Variants in CNTNAP2 observed in about 807,000 individuals in gnomAD.
The protein encoded by CNTNAP2 is contactin associated protein 2.
In CNTNAP2, 98 loss-of-function variants were observed where a neutral mutation model predicts 155.2. The observed-to-expected ratio is 0.63, with a 90% CI of 0.54 to 0.75. The LOEUF (loss-of-function observed/expected upper bound fraction) is 0.75. CNTNAP2 is among the 30% of genes least tolerant of loss of function. The probability of loss-of-function intolerance (pLI) is 0.00; values close to 1 mark genes in which losing one functional copy is unlikely to be tolerated. For missense variants in CNTNAP2, 1,727 were observed against 1,688.1 expected, an observed-to-expected ratio of 1.02 and a Z score of -0.40; for synonymous variants, 651 against 631.2, an observed-to-expected ratio of 1.03 and a Z score of -0.47.
intron 1 of CNTNAP2, among the ~76,000 whole-genome samples, chr7:146,300,617 G>A (rs1205077006): frequency 1.3e-5 from 2 of 151,994 alleles, no homozygotes; most frequent in Non-Finnish European, 2.9e-5. Flanking sequence ...AGTCTTTTAG[G>A]TTGGCCATAT....
At chr7:146,770,455 G>T (rs1802274698) in intron 1 of CNTNAP2, among the ~76,000 whole-genome samples, 1 of 151,566 alleles carries the variant, frequency 6.6e-6, no homozygotes, top group African/African-American at 2.4e-5. Context: ...AGTAATTGTT[G>T]CATTTTTTAG....
intron 13 of CNTNAP2, among the ~76,000 whole-genome samples, chr7:147,660,674 C>T (rs1795595415): frequency 6.6e-6 from 1 of 152,138 alleles, no homozygotes; most frequent in African/African-American, 2.4e-5. Flanking sequence ...CTCTTTAAGG[C>T]ACTAAGCTAA....
chr7:147,112,406 T>C (rs563180806), intron 5 of CNTNAP2, among the ~76,000 whole-genome samples: 202 of 152,282 alleles, frequency 1.3e-3, no homozygotes, highest in African/African-American at 4.7e-3. Context: ...GCCAATACTG[T>C]GTTGAATAGT....
At chr7:148,273,439 A>G (rs1267026237) in intron 21 of CNTNAP2, among the ~76,000 whole-genome samples, 1 of 152,252 alleles carries the variant, frequency 6.6e-6, no homozygotes, top group Non-Finnish European at 1.5e-5. Context: ...TTGTGTAATT[A>G]CATACACGAC....
chr7:147,574,028 T>A (rs577201596), intron 12 of CNTNAP2, among the ~76,000 whole-genome samples: 69 of 152,276 alleles, frequency 4.5e-4, no homozygotes, highest in African/African-American at 1.5e-3. Context: ...CACTTTAACA[T>A]TGGCAACTCA....
chr7:146,681,876 C>A (rs1800510791), intron 1 of CNTNAP2, among the ~76,000 whole-genome samples: 1 of 152,116 alleles, frequency 6.6e-6, no homozygotes, highest in Admixed American at 6.5e-5. Flanking sequence ...CCCTTCCCCA[C>A]AATAATTATG....
chr7:146,390,537 A>C (rs12667781), intron 1 of CNTNAP2, among the ~76,000 whole-genome samples: 44,597 of 150,898 alleles, frequency 0.3, 6,793 homozygotes, highest in Admixed American at 0.43. Context: ...ATTAAAATAT[A>C]TGTATATATA....
chr7:147,615,634 A>G (rs551564795), intron 12 of CNTNAP2, among the ~76,000 whole-genome samples: 1 of 152,256 alleles, frequency 6.6e-6, no homozygotes, highest in African/African-American at 2.4e-5. Flanking sequence ...AATACATTGT[A>G]ATGATTGCCC....
chr7:147,334,847 C>T (rs565020694), intron 9 of CNTNAP2, among the ~76,000 whole-genome samples: 2 of 152,152 alleles, frequency 1.3e-5, no homozygotes, highest in African/African-American at 2.4e-5. Context: ...AACAAAGATA[C>T]ATATAGGGAT....
chr7:148,310,380 TAA>T (rs1797572115), intron 21 of CNTNAP2, among the ~76,000 whole-genome samples: 1 of 152,214 alleles, frequency 6.6e-6, no homozygotes, highest in Non-Finnish European at 1.5e-5. Context: ...CAACTGCAGC[TAA>T]AGAGTCAACT....
At chr7:148,374,653 T>C (rs1397808798) in intron 21 of CNTNAP2, among the ~76,000 whole-genome samples, 1 of 152,222 alleles carries the variant, frequency 6.6e-6, no homozygotes, top group Admixed American at 6.5e-5. Context: ...TATTTTTCTG[T>C]ACTACATTTC....
At chr7:147,967,665 C>T (rs1430053325) in intron 14 of CNTNAP2, among the ~76,000 whole-genome samples, 1 of 152,108 alleles carries the variant, frequency 6.6e-6, no homozygotes, top group African/African-American at 2.4e-5. Flanking sequence ...GTTCTAATTG[C>T]ATGTGGGGAG....
At chr7:147,475,090 CAG>C (rs1452252744) in intron 10 of CNTNAP2, among the ~76,000 whole-genome samples, 1 of 152,122 alleles carries the variant, frequency 6.6e-6, no homozygotes, top group Non-Finnish European at 1.5e-5. Flanking sequence ...TAATGGCTGT[CAG>C]GGGTTACATT....
intron 8 of CNTNAP2, among the ~76,000 whole-genome samples, chr7:147,135,729 A>G (rs1801464841): frequency 1.3e-5 from 2 of 151,186 alleles, no homozygotes; most frequent in Non-Finnish European, 3.0e-5. Flanking sequence ...TTGCCTTGCT[A>G]TTTTAGATGC....
At chr7:146,253,912 A>C (rs577626096) in intron 1 of CNTNAP2, among the ~76,000 whole-genome samples, 2 of 150,510 alleles carry the variant, frequency 1.3e-5, no homozygotes, top group Non-Finnish European at 2.9e-5. Flanking sequence ...AAAATTAAAA[A>C]TTAGCTCCAT....
intron 1 of CNTNAP2, among the ~76,000 whole-genome samples, chr7:146,241,773 T>TAAG (rs1799566344): frequency 6.6e-6 from 1 of 152,064 alleles, no homozygotes; most frequent in African/African-American, 2.4e-5. Context: ...TCCATAACTC[T>TAAG]AAGAAGAATC....
At chr7:148,194,393 A>C (rs1795243350) in intron 18 of CNTNAP2, among the ~76,000 whole-genome samples, 1 of 152,048 alleles carries the variant, frequency 6.6e-6, no homozygotes, top group Non-Finnish European at 1.5e-5. Flanking sequence ...TTTCTTATTC[A>C]TATTTGTCTT....
chr7:148,415,526 G>A lies in CNTNAP2; in HGVS notation c.3906G>A (p.Glu1302=). 6.2e-7 allele frequency: 1 copy of A among 1,614,226 alleles called. No homozygotes were observed. The highest frequency in any genetic ancestry group is 8.5e-7 in the Non-Finnish European group (1 of 1,180,030). The change falls in exon 24 of 24, where the codon GAG becomes GAA. Residue 1302 remains glutamate, a synonymous_variant. Transcript: ENST00000361727. ...TYHTNEAKGA[E]SAESADAAIM... is the part of the protein sequence containing the mutation. Reference sequence around the variant, plus strand: ...ATACCAACGAAGCAAAGGGGGCGGAGTCGGCAGAGAGCGCGGACGCCGCCA... The same window carrying A: ...ATACCAACGAAGCAAAGGGGGCGGAATCGGCAGAGAGCGCGGACGCCGCCA...
At chr7:146,499,359 T>G (rs1797266384) in intron 1 of CNTNAP2, among the ~76,000 whole-genome samples, 2 of 152,240 alleles carry the variant, frequency 1.3e-5, no homozygotes, top group South Asian at 4.2e-4. Flanking sequence ...TTTTGTATTT[T>G]TAGTACAGAC....
Sources: allele counts gnomAD v4.1 joint callset (sites outside exome capture counted in the v4.1 genomes callset), GRCh38; gene constraint gnomAD v4.1.1; transcripts MANE v1.5; gene names NCBI Gene and HGNC (gene_info 2026-07-23, HGNC 2026-07-21).